GPC5: variants seen among roughly 807,000 people sequenced by gnomAD.
The protein encoded by GPC5 is glypican-5.
Under a neutral mutation model 53.9 loss-of-function variants are expected in GPC5, and 47 were observed. The ratio of observed to expected loss-of-function variants is 0.87; its 90% CI spans 0.69 to 1.11. GPC5 has a LOEUF of 1.11. GPC5 is among the 50% of genes most tolerant of loss of function. GPC5 has a pLI of 0.00. For missense variants in GPC5, 748 were observed against 713.1 expected (o/e 1.05, Z -0.56); for synonymous variants, 286 against 263.3 (o/e 1.09, Z -0.84).
At chr13:91,513,287 C>A (rs1047512749) in intron 2 of GPC5, among the ~76,000 whole-genome samples, 4 of 151,966 alleles carry the variant, frequency 2.6e-5, no homozygotes, top group African/African-American at 9.7e-5. Context: ...AATATCACAA[C>A]TAGGATAATA....
chr13:91,789,587 G>A (rs905035707), intron 5 of GPC5, among the ~76,000 whole-genome samples: 2 of 151,898 alleles, frequency 1.3e-5, no homozygotes, highest in Non-Finnish European at 2.9e-5. Context: ...TATTCCCTAA[G>A]AAATAAAGAA....
rs138474576 is a variant in GPC5, at chr13:92,082,585, A to T, written c.1402-62245A>T. ...TCCTTAGCAAAAAAATAGTTTTCTC[A>T]AAATAAATATATTGCTCACAATTTT... On this transcript the variant is annotated intron_variant, in intron 6 of 7. Coordinates refer to ENST00000377067, the MANE Select transcript of GPC5 (RefSeq NM_004466.6). 5.6e-4 allele frequency among the ~76,000 whole-genome samples: 86 copies of T among 152,364 alleles called. No individual in the cohort carries two copies. In the East Asian group the frequency reaches 0.011, roughly 19 times the overall value.
At chr13:92,489,205 A>G (rs1175581934) in intron 7 of GPC5, among the ~76,000 whole-genome samples, 1 of 152,150 alleles carries the variant, frequency 6.6e-6, no homozygotes, top group Non-Finnish European at 1.5e-5. Context: ...CCACCAAACT[A>G]AGAAAAATCC....
chr13:91,763,332 T>G (rs1205310779), intron 5 of GPC5, among the ~76,000 whole-genome samples: 1 of 152,100 alleles, frequency 6.6e-6, no homozygotes, highest in African/African-American at 2.4e-5. Flanking sequence ...ATGGACATTT[T>G]TGTTAAATGG....
chr13:92,385,419 T>TACATATATAC lies in GPC5; in HGVS notation c.1561+240432_1561+240441dup, dbSNP rs2043789042. ...ATATACACATATATACACATATATA[T>TACATATATAC]ACATATATACATATATACATATATA... On this transcript the variant is annotated intron_variant, in intron 7 of 7. Transcript: ENST00000377067. Among the ~76,000 whole-genome samples, 2 of 24,428 alleles carry TACATATATAC rather than the reference T, an allele frequency of 8.2e-5. 1 individual carries two copies. The highest frequency in any genetic ancestry group is 1.8e-4 in the African/African-American group (2 of 11,240). The allele number at this position is 24,428 out of a possible 152,430, so 16.0% of individuals were successfully genotyped here. A position where few individuals can be genotyped will look rare whatever the true frequency, so the allele number is the denominator to read the frequency against.
intron 7 of GPC5, among the ~76,000 whole-genome samples, chr13:92,312,876 G>T (rs2043154759): frequency 6.6e-6 from 1 of 152,066 alleles, no homozygotes; most frequent in South Asian, 2.1e-4. Context: ...GTCATCCGTG[G>T]TATAGGAATT....
intron 1 of GPC5, among the ~76,000 whole-genome samples, chr13:91,405,031 A>G (rs1857447918): frequency 6.6e-6 from 1 of 152,176 alleles, no homozygotes; most frequent in Non-Finnish European, 1.5e-5. Context: ...ACAGTATTGG[A>G]TTAAATCTCT....
chr13:91,522,048 C>A (rs185761521), intron 2 of GPC5, among the ~76,000 whole-genome samples: 83 of 152,350 alleles, frequency 5.4e-4, no homozygotes, highest in Non-Finnish European at 7.3e-5. Context: ...GTATGTATGG[C>A]ACCTCTGTGC....
At chr13:91,664,140 C>T (rs2035049454) in intron 2 of GPC5, among the ~76,000 whole-genome samples, 1 of 152,196 alleles carries the variant, frequency 6.6e-6, no homozygotes, top group African/African-American at 2.4e-5. Context: ...AATAATGTCA[C>T]ATTTTGAAAA....
intron 7 of GPC5, among the ~76,000 whole-genome samples, chr13:92,246,677 T>G (rs1015655446): frequency 6.6e-6 from 1 of 152,086 alleles, no homozygotes; most frequent in Non-Finnish European, 1.5e-5. Flanking sequence ...AAATATAAAG[T>G]CCAGAGAAAC....
At chr13:92,041,945 A>T (rs1251387554) in intron 6 of GPC5, among the ~76,000 whole-genome samples, 1 of 152,162 alleles carries the variant, frequency 6.6e-6, no homozygotes. Context: ...GAGTGGAGAA[A>T]GTGTCTTCAA....
At chr13:92,206,687 A>C (rs930358747) in intron 7 of GPC5, among the ~76,000 whole-genome samples, 1 of 152,184 alleles carries the variant, frequency 6.6e-6, no homozygotes, top group Non-Finnish European at 1.5e-5. Flanking sequence ...CATCAATATC[A>C]GTATTATAAT....
intron 7 of GPC5, among the ~76,000 whole-genome samples, chr13:92,389,108 T>C (rs925196376): frequency 3.3e-5 from 5 of 152,098 alleles, no homozygotes; most frequent in African/African-American, 9.7e-5. Flanking sequence ...AACACTGATA[T>C]TGATTTAATG....
At chr13:91,908,164 A>C in intron 6 of GPC5, 107 bp downstream of exon 6, 3 of 900,056 alleles carry the variant, frequency 3.3e-6, no homozygotes, top group Non-Finnish European at 3.2e-6. Context: ...ATCCTACCTA[A>C]AATATTGTAA....
At chr13:91,618,523 G>A (rs111632903) in intron 2 of GPC5, among the ~76,000 whole-genome samples, 2,606 of 152,136 alleles carry the variant, frequency 0.017, 40 homozygotes, top group African/African-American at 0.036. Context: ...TACACAGCCC[G>A]GTTCATGTGC....
At chr13:92,252,302 T>C (rs1170100847) in intron 7 of GPC5, among the ~76,000 whole-genome samples, 1 of 152,140 alleles carries the variant, frequency 6.6e-6, no homozygotes. Context: ...TTTGGTTAAC[T>C]GATGTTTAGA....
intron 5 of GPC5, among the ~76,000 whole-genome samples, chr13:91,869,384 A>T (rs2039119462): frequency 1.3e-5 from 2 of 152,146 alleles, no homozygotes; most frequent in African/African-American, 2.4e-5. Flanking sequence ...CTCTATAGAG[A>T]TTATTAATTG....
chr13:91,571,892 T>TGTGTGTATACACAC lies in GPC5; in HGVS notation c.326-121295_326-121294insGTGTGTATACACAC, dbSNP rs1566516035. Among the ~76,000 whole-genome samples, 32 of 73,038 alleles carry TGTGTGTATACACAC rather than the reference T, an allele frequency of 4.4e-4. 3 individuals carry two copies. The highest frequency in any genetic ancestry group is 8.1e-4 in the Admixed American group (6 of 7,404). The allele number at this position is 73,038 out of a possible 152,430, so 47.9% of individuals were successfully genotyped here. ...GTATATATACACACATATACGTGTG[T>TGTGTGTATACACAC]ATATACACATATTGTATATATACAC... On this transcript the variant is annotated intron_variant, in intron 2 of 7. Coordinates refer to ENST00000377067, the MANE Select transcript of GPC5 (RefSeq NM_004466.6).
At chr13:92,343,237 CAGTT>C (rs1162973328) in intron 7 of GPC5, among the ~76,000 whole-genome samples, 1 of 152,138 alleles carries the variant, frequency 6.6e-6, no homozygotes, top group Non-Finnish European at 1.5e-5. Context: ...ACTTCACCGT[CAGTT>C]AGATCAATAT....
Sources: allele counts gnomAD v4.1 joint callset (sites outside exome capture counted in the v4.1 genomes callset), GRCh38; gene constraint gnomAD v4.1.1; transcripts MANE v1.5; gene names NCBI Gene and HGNC (gene_info 2026-07-23, HGNC 2026-07-21).